The following FGD4 variants were observed in gnomAD, a reference collection of about 807,000 sequenced individuals.
FGD4 encodes FYVE, RhoGEF and PH domain containing 4.
In FGD4, 42 loss-of-function variants were observed where a neutral mutation model predicts 102.0. That is an observed-to-expected ratio of 0.41 (90% confidence interval 0.32 to 0.53). The LOEUF (loss-of-function observed/expected upper bound fraction) is 0.53. FGD4 is among the 20% of genes least tolerant of loss of function. The probability of loss-of-function intolerance (pLI) is 0.21; values close to 1 mark genes in which losing one functional copy is unlikely to be tolerated. For missense variants in FGD4, 902 were observed against 1,078.2 expected (o/e 0.84, Z 2.29); for synonymous variants, 380 against 375.7 (o/e 1.01, Z -0.13).
At chr12:32,547,495 T>C (rs1445891292) in intron 1 of FGD4, among the ~76,000 whole-genome samples, 1 of 152,188 alleles carries the variant, frequency 6.6e-6, no homozygotes, top group Non-Finnish European at 1.5e-5. Context: ...ATCATCTGTA[T>C]AATGGACATA....
At chr12:32,582,829 T>C (rs1946721342) in intron 4 of FGD4, 1 of 227,576 alleles carries the variant, frequency 4.4e-6, no homozygotes, top group Non-Finnish European at 8.8e-6. Flanking sequence ...CAAGAAGAAA[T>C]TGTATAATCT....
At chr12:32,628,425 G>GA (rs1162301685) in intron 14 of FGD4, among the ~76,000 whole-genome samples, 2 of 152,092 alleles carry the variant, frequency 1.3e-5, no homozygotes, top group Non-Finnish European at 2.9e-5. Flanking sequence ...GGAAGAGTTT[G>GA]ATTCTAGAGT....
At position 32,567,975 on chromosome 12, in the gene FGD4, A is replaced by T. The variant is rs761386082; in HGVS notation, c.319+3686A>T. Among the ~76,000 whole-genome samples the T allele has an allele frequency of 4.5e-4, 68 of 152,350 alleles. 1 individual carries two copies. Among genetic ancestry groups the T allele is most frequent in the Non-Finnish European group, 9.4e-4 (64 of 68,042 alleles). On this transcript the variant is annotated intron_variant, in intron 2 of 16. Transcript: ENST00000534526. ...AGTGCTGGGATTACAGGCATGAGCC[A>T]CTGTGCCCAGCCTATTGTGGTAATT...
chr12:32,479,508 A>G (rs1454682411), intron 1 of FGD4, among the ~76,000 whole-genome samples: 1 of 151,252 alleles, frequency 6.6e-6, no homozygotes, highest in African/African-American at 2.4e-5. Context: ...CTTGCATATA[A>G]TTTTTAAATT....
chr12:32,410,064 C>T (rs1011978002), intron 1 of FGD4, among the ~76,000 whole-genome samples: 8 of 150,934 alleles, frequency 5.3e-5, no homozygotes, highest in Admixed American at 5.3e-4. Context: ...TGCGGTGGCT[C>T]ACGCCTATAA....
Position 32,641,188 on chromosome 12 carries a change from C to G in FGD4, c.*655C>G, listed in dbSNP as rs1046496322. The G allele has an allele frequency of 1.3e-5, 2 of 151,864 alleles. No individual in the cohort carries two copies. Among genetic ancestry groups the G allele is most frequent in the Non-Finnish European group, 2.9e-5 (2 of 67,978 alleles). 9.4% of individuals were successfully genotyped at this position (151,864 alleles called of 1,614,324 possible). ...TATATATTATACATGCTTTTAGGTT[C>G]ACATTCATCTCTAATTTATTTTTTA... On this transcript the variant is annotated 3_prime_UTR_variant, in exon 17 of 17. Coordinates refer to ENST00000534526, the MANE Select transcript of FGD4 (RefSeq NM_001370298.3).
rs1287149077 is a variant in FGD4, at chr12:32,625,636, T to A, written c.2047-18T>A. The A allele has an allele frequency of 3.7e-6, 6 of 1,612,960 alleles. No homozygotes were observed. The highest frequency in any genetic ancestry group is 5.1e-6 in the Non-Finnish European group (6 of 1,179,454). On this transcript the variant is annotated intron_variant, in intron 13 of 16. Transcript: ENST00000534526. ...ATAGTTTTTTTCTATTAAAATTGAA[T>A]CTTTCTTCCCTTTTTAGACTGCTGA...
chr12:32,557,295 T>A (rs925965747), intron 1 of FGD4, among the ~76,000 whole-genome samples: 1 of 152,198 alleles, frequency 6.6e-6, no homozygotes, highest in African/African-American at 2.4e-5. Context: ...ATATGAAAAT[T>A]CTCATTCATT....
At chr12:32,513,216 T>G (rs563809847) in intron 1 of FGD4, among the ~76,000 whole-genome samples, 56 of 152,282 alleles carry the variant, frequency 3.7e-4, no homozygotes, top group Non-Finnish European at 1.6e-4. Context: ...GGAGGTAAGA[T>G]CTACATGGTG....
At chr12:32,494,824 G>A (rs1995303) in intron 1 of FGD4, among the ~76,000 whole-genome samples, 16,202 of 152,202 alleles carry the variant, frequency 0.11, 1,178 homozygotes, top group East Asian at 0.42. Context: ...TGGGAGCAGT[G>A]CCAGTTGAGT....
At chr12:32,567,629 T>C (rs1945299833) in intron 2 of FGD4, among the ~76,000 whole-genome samples, 1 of 152,002 alleles carries the variant, frequency 6.6e-6, no homozygotes, top group Admixed American at 6.6e-5. Context: ...CACGTAATTA[T>C]ATCTTTTTTT....
At chr12:32,626,933 C>T (rs1263586249) in intron 14 of FGD4, among the ~76,000 whole-genome samples, 1 of 151,958 alleles carries the variant, frequency 6.6e-6, no homozygotes, top group Non-Finnish European at 1.5e-5. Flanking sequence ...CCGCAACCTC[C>T]GCCTCCCGGG....
chr12:32,517,572 G>T (rs1386199955), intron 1 of FGD4, among the ~76,000 whole-genome samples: 1 of 152,088 alleles, frequency 6.6e-6, no homozygotes, highest in African/African-American at 2.4e-5. Flanking sequence ...GGTAGTCTTC[G>T]TATCTAGACT....
At chr12:32,465,397 CG>C (rs1221954317) in intron 1 of FGD4, among the ~76,000 whole-genome samples, 1 of 152,010 alleles carries the variant, frequency 6.6e-6, no homozygotes, top group African/African-American at 2.4e-5. Context: ...AGGCTGGGTG[CG>C]GTGGCTCACA....
At chr12:32,604,746 C>A (rs560126170) in intron 7 of FGD4, among the ~76,000 whole-genome samples, 110 of 152,260 alleles carry the variant, frequency 7.2e-4, no homozygotes, top group Middle Eastern at 3.4e-3. Context: ...ACCCTGATGG[C>A]CCCTTCATAG....
rs1947382226 is a variant in FGD4, at chr12:32,590,423, A to G, written c.1011+7956A>G. Among the ~76,000 whole-genome samples, 3 of 151,986 alleles carry G rather than the reference A, an allele frequency of 2.0e-5. No individual in the cohort carries two copies. In the South Asian group the frequency reaches 6.2e-4, roughly 32 times the overall value. On this transcript the variant is annotated intron_variant, in intron 4 of 16. Coordinates refer to ENST00000534526, the MANE Select transcript of FGD4 (RefSeq NM_001370298.3). ...CCTAGTGATAAATTCCCTACTGTTA[A>G]CAAATAGTTCTTGAGACCTCATGAC...
Position 32,564,218 on chromosome 12 carries a change from C to T in FGD4, c.248C>T (p.Ser83Phe), listed in dbSNP as rs1010212922. The change falls in exon 2 of 17, where the codon TCT becomes TTT. Residue 83 changes from serine to phenylalanine, a missense_variant. Ser to Phe is a radical substitution (Grantham distance 155). Transcript: ENST00000534526. ...STTTLVGENV[S>F]EEEAQGINGN... ...ACCACACTGGTTGGTGAGAATGTATCTGAAGAAGAGGCTCAGGGAATAAAT... is the reference window on the plus strand; with the variant it reads ...ACCACACTGGTTGGTGAGAATGTATTTGAAGAAGAGGCTCAGGGAATAAAT... 7.2e-6 allele frequency: 11 copies of T among 1,535,992 alleles called. No homozygotes were observed. The highest frequency in any genetic ancestry group is 2.0e-5 in the Admixed American group (1 of 50,968).
intron 7 of FGD4, among the ~76,000 whole-genome samples, chr12:32,605,166 T>C (rs1446051415): frequency 6.8e-6 from 1 of 147,924 alleles, no homozygotes; most frequent in Non-Finnish European, 1.5e-5. Flanking sequence ...CTCAAACTCC[T>C]GGCCTCAAAT....
intron 1 of FGD4, among the ~76,000 whole-genome samples, chr12:32,414,506 A>T (rs985011520): frequency 2.6e-5 from 4 of 152,158 alleles, no homozygotes; most frequent in African/African-American, 9.7e-5. Context: ...CTGTTGTGCT[A>T]TCAAGTACTA....
Sources: allele counts gnomAD v4.1 joint callset (sites outside exome capture counted in the v4.1 genomes callset), GRCh38; gene constraint gnomAD v4.1.1; transcripts MANE v1.5; gene names NCBI Gene and HGNC (gene_info 2026-07-23, HGNC 2026-07-21).